Variants in PCCB observed in about 807,000 individuals in gnomAD.
PCCB encodes the protein propionyl-CoA carboxylase beta chain, mitochondrial.
In PCCB, 43 loss-of-function variants were observed where a neutral mutation model predicts 60.7. That is an observed-to-expected ratio of 0.71 (90% CI 0.55 to 0.91). The LOEUF is 0.91. Ranked by LOEUF, PCCB falls within the 40% of genes least tolerant of loss-of-function variation. The probability of loss-of-function intolerance (pLI) is 0.00; values close to 1 mark genes in which losing one functional copy is unlikely to be tolerated. For synonymous variants in PCCB, 276 were observed against 255.9 expected, an observed-to-expected ratio of 1.08 and a Z score of -0.75; for missense variants, 766 against 702.8, an observed-to-expected ratio of 1.09 and a Z score of -1.02.
In PCCB at chr3:136,300,953, TCCTTTCCCACCCCATTC is replaced by T. The variant is rs981225684; in HGVS notation, c.885-74_885-58del. 2.8e-6 allele frequency: 3 copies of T among 1,065,816 alleles called. No individual in the cohort carries two copies. In the African/African-American group the frequency reaches 4.6e-5, roughly 17 times the overall value. The allele number at this position is 1,065,816 out of a possible 1,614,324, so 66.0% of individuals were successfully genotyped here. A position where few individuals can be genotyped will look rare whatever the true frequency, so the allele number is the denominator to read the frequency against. On this transcript the variant is annotated intron_variant, in intron 8 of 14. Transcript: ENST00000251654. ...AGTCCCTATGACGTGTCACCCCATTTCCTTTCCCACCCCATTCCCACAAAAGGTAACTGGCTCTTCCT... is the reference window on the plus strand; with the variant it reads ...AGTCCCTATGACGTGTCACCCCATTTCCACAAAAGGTAACTGGCTCTTCCT...
At chr3:136,290,733 G>A (rs1484678065) in intron 6 of PCCB, among the ~76,000 whole-genome samples, 7 of 109,526 alleles carry the variant, frequency 6.4e-5, no homozygotes, top group Middle Eastern at 0.01. Context: ...TGGATCTGTG[G>A]TTTGGTGTCT....
At chr3:136,280,203 G>A (rs1331174981) in intron 5 of PCCB, among the ~76,000 whole-genome samples, 2 of 152,146 alleles carry the variant, frequency 1.3e-5, no homozygotes, top group African/African-American at 4.8e-5. Flanking sequence ...AGGACTCCCT[G>A]TAGAATTTCT....
chr3:136,264,599 TGTG>T (rs1351069508), intron 5 of PCCB, among the ~76,000 whole-genome samples: 4 of 151,618 alleles, frequency 2.6e-5, no homozygotes, highest in African/African-American at 9.7e-5. Flanking sequence ...TTTGGCCAGG[TGTG>T]GTGGCTCACA....
chr3:136,264,648 T>C (rs1009152250), intron 5 of PCCB, among the ~76,000 whole-genome samples: 18 of 150,676 alleles, frequency 1.2e-4, no homozygotes, highest in Non-Finnish European at 1.9e-4. Context: ...CCGAGGCAGG[T>C]GGATCACGAG....
At chr3:136,282,676 A>G (rs947624184) in intron 5 of PCCB, among the ~76,000 whole-genome samples, 5 of 152,230 alleles carry the variant, frequency 3.3e-5, no homozygotes, top group Admixed American at 6.5e-5. Flanking sequence ...TCAAAGTATT[A>G]AGAAAAGAGA....
Position 136,316,968 on chromosome 3 carries a change from A to T in PCCB, c.994A>T (p.Ile332Phe), listed in dbSNP as rs770497475. The T allele has an allele frequency of 6.2e-7, 1 of 1,614,088 alleles. No individual in the cohort carries two copies. The highest frequency in any genetic ancestry group is 8.5e-7 in the Non-Finnish European group (1 of 1,179,970). ...TGTTGATGAGCGTGAATTTTTTGAGATCATGCCCAATTATGCCAAGAACAT... is the reference window on the plus strand; with the variant it reads ...TGTTGATGAGCGTGAATTTTTTGAGTTCATGCCCAATTATGCCAAGAACAT... ...SVVDEREFFE[I>F]MPNYAKNIIV... The change falls in exon 10 of 15, where the codon ATC becomes TTC. Residue 332 changes from isoleucine to phenylalanine, a missense_variant. By Grantham distance (21) the Ile-to-Phe change is conservative. Coordinates refer to ENST00000251654, the MANE Select transcript of PCCB (RefSeq NM_000532.5).
intron 10 of PCCB, among the ~76,000 whole-genome samples, chr3:136,324,088 A>C (rs1287995070): frequency 6.6e-6 from 1 of 150,798 alleles, no homozygotes; most frequent in Non-Finnish European, 1.5e-5. Context: ...ATTTGTGGTC[A>C]CTGAAGTCCC....
intron 5 of PCCB, among the ~76,000 whole-genome samples, chr3:136,277,314 T>C (rs987352884): frequency 1.3e-5 from 2 of 152,194 alleles, no homozygotes; most frequent in Non-Finnish European, 2.9e-5. Context: ...ACAGTGTTAT[T>C]CTACCTAGAG....
At chr3:136,311,525 G>A (rs1195248018) in intron 9 of PCCB, among the ~76,000 whole-genome samples, 1 of 151,780 alleles carries the variant, frequency 6.6e-6, no homozygotes, top group East Asian at 1.9e-4. Flanking sequence ...TTTTTTTGTA[G>A]GAAGAATTCC....
intron 9 of PCCB, among the ~76,000 whole-genome samples, chr3:136,312,660 G>A (rs1377983577): frequency 6.6e-6 from 1 of 152,072 alleles, no homozygotes; most frequent in Non-Finnish European, 1.5e-5. Context: ...AGCACTAAAA[G>A]AAAACACAGA....
chr3:136,255,783 C>A, intron 1 of PCCB, 73 bp from the exon 2 acceptor site: 1 of 1,376,494 alleles, frequency 7.3e-7, no homozygotes, highest in Non-Finnish European at 1.0e-6. Context: ...TCAAGCCCTC[C>A]CATGAACAGC....
chr3:136,262,532 G>A (rs1941854572), intron 5 of PCCB, among the ~76,000 whole-genome samples: 1 of 152,098 alleles, frequency 6.6e-6, no homozygotes, highest in Non-Finnish European at 1.5e-5. Flanking sequence ...GAAACATTTG[G>A]CGAACCTCAT....
chr3:136,281,048 G>T (rs894265915), intron 5 of PCCB, among the ~76,000 whole-genome samples: 2 of 152,132 alleles, frequency 1.3e-5, no homozygotes, highest in East Asian at 1.9e-4. Flanking sequence ...CTATCTTGCT[G>T]CTTTCAAGTT....
intron 5 of PCCB, among the ~76,000 whole-genome samples, chr3:136,282,920 T>C (rs1364495712): frequency 1.3e-5 from 2 of 152,194 alleles, no homozygotes; most frequent in Non-Finnish European, 2.9e-5. Context: ...TACATTTGGC[T>C]CATTTTTAGA....
intron 1 of PCCB, chr3:136,252,439 G>C: frequency 2.5e-6 from 1 of 395,754 alleles, no homozygotes; most frequent in Non-Finnish European, 5.1e-6. Context: ...TAGAGATGGA[G>C]TTTCACCATG....
chr3:136,318,890 CTGTT>C (rs1935009249), intron 10 of PCCB, among the ~76,000 whole-genome samples: 2 of 152,222 alleles, frequency 1.3e-5, no homozygotes, highest in Non-Finnish European at 2.9e-5. Context: ...ATATAAGTAT[CTGTT>C]TGAACCTCAG....
chr3:136,329,244 C>T (rs1935448281), intron 14 of PCCB, among the ~76,000 whole-genome samples: 1 of 152,202 alleles, frequency 6.6e-6, no homozygotes, highest in Non-Finnish European at 1.5e-5. Context: ...TGGGATCACC[C>T]ACACAGGTAT....
At chr3:136,300,910 C>T (rs1267095730) in intron 8 of PCCB, 120 bp from the exon 9 acceptor site, 6 of 744,454 alleles carry the variant, frequency 8.1e-6, no homozygotes, top group Middle Eastern at 2.3e-4. Flanking sequence ...GTAAGCCCAG[C>T]AGGGACAGAA....
chr3:136,256,415 G>A (rs773991268), intron 2 of PCCB, 140 bp from the exon 3 acceptor site: 2 of 702,532 alleles, frequency 2.8e-6, no homozygotes, highest in African/African-American at 1.8e-5. Flanking sequence ...AAGTGGGGTG[G>A]GATTCCTTCA....
Sources: allele counts gnomAD v4.1 joint callset (sites outside exome capture counted in the v4.1 genomes callset), GRCh38; gene constraint gnomAD v4.1.1; transcripts MANE v1.5; gene names NCBI Gene and HGNC (gene_info 2026-07-23, HGNC 2026-07-21).